WDR33: variants seen among roughly 807,000 people sequenced by gnomAD.
The protein encoded by WDR33 is WD repeat domain 33, also known as pre-mRNA 3' end processing protein WDR33.
A neutral mutation model predicts 164.9 loss-of-function variants in WDR33; 47 were observed. The ratio of observed to expected loss-of-function variants is 0.29; its 90% CI spans 0.23 to 0.36. The LOEUF (loss-of-function observed/expected upper bound fraction) is 0.36, where lower values mean the gene tolerates loss of function less well. WDR33 is among the 10% of genes least tolerant of loss of function. The pLI, the probability that WDR33 is intolerant of heterozygous loss-of-function variation, is 1.00. For synonymous variants in WDR33, 505 were observed against 589.0 expected (o/e 0.86, Z 2.06); for missense variants, 1,137 against 1,754.1 (o/e 0.65, Z 6.28).
chr2:127,710,526 G>GA lies in WDR33; in HGVS notation c.3309-671_3309-670insT, dbSNP rs1686134201. On this transcript the variant is annotated intron_variant, in intron 18 of 21. Transcript: ENST00000322313. This position sits in a 1 kb window ranked among gnomAD's most constrained non-coding sequence, Gnocchi z 4.4. ...TGATGGGCACACAGGTCAGCATCTGGTTTACAGGCAGCGATCCACTGGCTA... is the reference window on the plus strand; with the variant it reads ...TGATGGGCACACAGGTCAGCATCTGGATTTACAGGCAGCGATCCACTGGCTA... Among the ~76,000 whole-genome samples, 1 of 152,166 alleles carries GA rather than the reference G, an allele frequency of 6.6e-6. No homozygotes were observed. Among genetic ancestry groups the GA allele is most frequent in the Non-Finnish European group, 1.5e-5 (1 of 68,012 alleles).
In WDR33 at chr2:127,709,356, G is replaced by A; in HGVS notation, c.3565+134C>T. ...GCTGAGATCAAGTGCTGCGGCTGCA[G>A]GACAGGAGACAGCCCAGCCCCCCGG... On this transcript the variant is annotated intron_variant, in intron 20 of 21. Transcript: ENST00000322313. The surrounding 1 kb of genome is among the most constrained non-coding windows in gnomAD (Gnocchi z 5.0). 1 of 803,022 alleles carries A rather than the reference G, an allele frequency of 1.2e-6. No homozygotes were observed. Among genetic ancestry groups the A allele is most frequent in the Admixed American group, 2.0e-5 (1 of 49,102 alleles). 49.7% of individuals were successfully genotyped at this position (803,022 alleles called of 1,614,324 possible).
chr2:127,788,135 T>G, intron 1 of WDR33, among the ~76,000 whole-genome samples: 1 of 73,452 alleles, frequency 1.4e-5, no homozygotes, highest in Non-Finnish European at 2.5e-5. Context: ...CACTTCCCAG[T>G]AGGGGCGGCC....
chr2:127,791,167 C>A (rs563630160), intron 1 of WDR33, among the ~76,000 whole-genome samples: 23 of 91,904 alleles, frequency 2.5e-4, no homozygotes, highest in East Asian at 1.1e-3. Flanking sequence ...CCACCCCACC[C>A]CCCCCCCCAG....
intron 7 of WDR33, among the ~76,000 whole-genome samples, chr2:127,731,601 T>C (rs1017718169): frequency 8.5e-5 from 13 of 152,158 alleles, no homozygotes; most frequent in Admixed American, 3.3e-4. Flanking sequence ...TAAACATGAA[T>C]CAATGAGAGG....
intron 7 of WDR33, among the ~76,000 whole-genome samples, chr2:127,728,050 T>G (rs934593116): frequency 6.6e-6 from 1 of 152,200 alleles, no homozygotes; most frequent in Non-Finnish European, 1.5e-5. Flanking sequence ...ACAGTTTGGC[T>G]GTATGTATCA....
chr2:127,749,858 C>T (rs1687266207), intron 7 of WDR33, among the ~76,000 whole-genome samples: 1 of 145,696 alleles, frequency 6.9e-6, no homozygotes. Flanking sequence ...TTTTTTGAGA[C>T]GGAGTCTCAC....
chr2:127,771,087 C>T (rs1687987255), intron 1 of WDR33, 83 bp from the exon 2 acceptor site: 1 of 1,050,000 alleles, frequency 9.5e-7, no homozygotes, highest in Non-Finnish European at 1.4e-6. Context: ...ACACTTTTTA[C>T]ATTTCTTTTC....
chr2:127,787,029 A>G (rs1229620188), intron 1 of WDR33, among the ~76,000 whole-genome samples: 1 of 110,032 alleles, frequency 9.1e-6, no homozygotes, highest in Non-Finnish European at 1.8e-5. Flanking sequence ...TGTGTCCCTG[A>G]TTACTTGAGA....
In WDR33 at chr2:127,718,625, CT is replaced by C. The variant is rs991407752; in HGVS notation, c.2760+639del. ...AGAATTTCTACAGAAATGCTCCCCC[CT>C]GCAAATACTTTTATATGTGAGCTGA... On this transcript the variant is annotated intron_variant, in intron 16 of 21. Transcript: ENST00000322313. This position sits in a 1 kb window ranked among gnomAD's most constrained non-coding sequence, Gnocchi z 4.4. 1.3e-5 allele frequency among the ~76,000 whole-genome samples: 2 copies of C among 152,182 alleles called. No individual in the cohort carries two copies. Among genetic ancestry groups the C allele is most frequent in the African/African-American group, 2.4e-5 (1 of 41,432 alleles).
At chr2:127,772,978 T>C (rs1015178664) in intron 1 of WDR33, among the ~76,000 whole-genome samples, 6 of 140,448 alleles carry the variant, frequency 4.3e-5, no homozygotes, top group Non-Finnish European at 9.2e-5. Flanking sequence ...AAAAAAAAAA[T>C]TGTTTTAATT....
At chr2:127,757,381 G>C (rs968349948) in intron 7 of WDR33, among the ~76,000 whole-genome samples, 8 of 152,098 alleles carry the variant, frequency 5.3e-5, no homozygotes, top group African/African-American at 1.9e-4. Context: ...ATGTGCTTTA[G>C]ATGTTAAATA....
intron 7 of WDR33, among the ~76,000 whole-genome samples, chr2:127,760,201 A>G (rs1687637399): frequency 6.6e-6 from 1 of 152,212 alleles, no homozygotes; most frequent in Non-Finnish European, 1.5e-5. Flanking sequence ...AATGTTGTAG[A>G]AAAGTATTTG....
rs1402310198 is a variant in WDR33 at position 127,738,505 on chromosome 2, A to G, written c.725-11728T>C. 6.6e-6 allele frequency among the ~76,000 whole-genome samples: 1 copy of G among 152,126 alleles called. No individual in the cohort carries two copies. Among genetic ancestry groups the G allele is most frequent in the Admixed American group, 6.6e-5 (1 of 15,264 alleles). On this transcript the variant is annotated intron_variant, in intron 7 of 21. Coordinates refer to ENST00000322313, the MANE Select transcript of WDR33 (RefSeq NM_018383.5). This position sits in a 1 kb window ranked among gnomAD's most constrained non-coding sequence, Gnocchi z 4.4. ...ATTATGACTTCATTCCAAAGAGTAC[A>G]GTATGAAAAGTGGGAAATAAGAGTA...
rs1268992464 is a variant in WDR33, at chr2:127,716,176, C to A, written c.2869+979G>T. ...AATAAACACTCTCTAGTTCCCTTAT[C>A]TCTTTCTTACCTCTAATATCACACA... On this transcript the variant is annotated intron_variant, in intron 17 of 21. Coordinates refer to ENST00000322313, the MANE Select transcript of WDR33 (RefSeq NM_018383.5). This position sits in a 1 kb window ranked among gnomAD's most constrained non-coding sequence, Gnocchi z 4.5. Among the ~76,000 whole-genome samples, 3 of 152,218 alleles carry A rather than the reference C, an allele frequency of 2.0e-5. No individual in the cohort carries two copies. Among genetic ancestry groups the A allele is most frequent in the Non-Finnish European group, 4.4e-5 (3 of 68,048 alleles).
At chr2:127,731,663 T>A (rs977898848) in intron 7 of WDR33, among the ~76,000 whole-genome samples, 5 of 152,218 alleles carry the variant, frequency 3.3e-5, no homozygotes, top group Non-Finnish European at 2.9e-5. Context: ...ATCCAGCTCA[T>A]AAAACTGAGG....
At chr2:127,765,021 A>ATT (rs1195865987) in intron 5 of WDR33, 42 bp from the exon 6 acceptor site, 1 of 1,604,290 alleles carries the variant, frequency 6.2e-7, no homozygotes. Context: ...TGCTGCTTCA[A>ATT]AGAATATATG....
At chr2:127,803,858 G>A (rs939242545) in intron 1 of WDR33, among the ~76,000 whole-genome samples, 1 of 147,172 alleles carries the variant, frequency 6.8e-6, no homozygotes, top group Non-Finnish European at 1.5e-5. Context: ...TGAGGTAGGA[G>A]AATCACTTGA....
intron 7 of WDR33, among the ~76,000 whole-genome samples, chr2:127,744,899 G>T (rs1405725407): frequency 6.6e-6 from 1 of 152,060 alleles, no homozygotes; most frequent in African/African-American, 2.4e-5. Context: ...GCAATTCATA[G>T]AATATACCTT....
intron 7 of WDR33, among the ~76,000 whole-genome samples, chr2:127,731,686 C>A (rs1686710536): frequency 6.6e-6 from 1 of 152,126 alleles, no homozygotes; most frequent in East Asian, 1.9e-4. Flanking sequence ...GAAATAAGGA[C>A]CTTTTTGGGG....
Sources: gnomAD v4.1 joint callset for allele counts (sites outside exome capture counted in the v4.1 genomes callset) on GRCh38, gnomAD v4.1.1 for gene constraint, Gnocchi (gnomAD v3.1) non-coding constraint, MANE v1.5 for transcripts, NCBI Gene and HGNC (gene_info 2026-07-23, HGNC 2026-07-21) for gene names.